Variants in PDIA5 observed in about 807,000 individuals in gnomAD.
PDIA5 encodes protein disulfide-isomerase A5.
PDIA5 carries 58 observed loss-of-function variants against 77.6 expected under a neutral mutation model. The ratio of observed to expected loss-of-function variants is 0.75; its 90% CI spans 0.61 to 0.93. The LOEUF is 0.93. Among genes scored for constraint, PDIA5 ranks in the 40% least tolerant of loss-of-function variants. The probability of loss-of-function intolerance (pLI) is 0.00; values close to 1 mark genes in which losing one functional copy is unlikely to be tolerated. For synonymous variants in PDIA5, 250 were observed against 252.1 expected, an observed-to-expected ratio of 0.99 and a Z score of 0.08; for missense variants, 630 against 647.7, an observed-to-expected ratio of 0.97 and a Z score of 0.30.
intron 15 of PDIA5, among the ~76,000 whole-genome samples, chr3:123,160,145 C>T (rs1560569743): frequency 2.6e-5 from 4 of 152,270 alleles, no homozygotes; most frequent in Admixed American, 6.5e-5. Context: ...GCTTGGCACA[C>T]GGCAGGGTTT....
intron 1 of PDIA5, among the ~76,000 whole-genome samples, chr3:123,079,592 GGTT>G (rs1342228124): frequency 5.9e-5 from 9 of 152,148 alleles, no homozygotes; most frequent in Non-Finnish European, 1.2e-4. Flanking sequence ...TGGACATTTA[GGTT>G]GTTTATAGGT....
chr3:123,141,194 C>A (rs1414749244), intron 11 of PDIA5, among the ~76,000 whole-genome samples: 1 of 152,214 alleles, frequency 6.6e-6, no homozygotes, highest in Non-Finnish European at 1.5e-5. Context: ...TGTCTTCCCT[C>A]CCCTGATTCC....
intron 11 of PDIA5, among the ~76,000 whole-genome samples, chr3:123,142,241 G>A (rs3804759): frequency 0.35 from 53,614 of 152,102 alleles, 9,984 homozygotes; most frequent in African/African-American, 0.48. Context: ...TTGGGAGCAG[G>A]CTCAGGGAAA....
intron 1 of PDIA5, among the ~76,000 whole-genome samples, chr3:123,079,950 G>A (rs1933953648): frequency 6.6e-6 from 1 of 152,034 alleles, no homozygotes; most frequent in African/African-American, 2.4e-5. Flanking sequence ...ATAAATTATG[G>A]TATAAAATAG....
At chr3:123,126,563 C>T (rs1025551053) in intron 10 of PDIA5, among the ~76,000 whole-genome samples, 3 of 152,220 alleles carry the variant, frequency 2.0e-5, no homozygotes, top group African/African-American at 7.2e-5. Context: ...TATTATTTCC[C>T]CTACATAGAT....
At chr3:123,109,172 A>G (rs1271100637) in intron 6 of PDIA5, among the ~76,000 whole-genome samples, 1 of 152,182 alleles carries the variant, frequency 6.6e-6, no homozygotes, top group Admixed American at 6.5e-5. Context: ...TTTCTCTCCT[A>G]TGGAAATAAG....
At chr3:123,106,727 T>C (rs755995322) in intron 5 of PDIA5, 22 bp from the exon 6 acceptor site, 1 of 1,560,190 alleles carries the variant, frequency 6.4e-7, no homozygotes, top group Admixed American at 1.7e-5. Context: ...ATGCATTTTC[T>C]CTTCTCTTTT....
In PDIA5 at chr3:123,073,393, G is replaced by T. The variant is rs141515510; in HGVS notation, c.42+6187G>T. ...GAATGTGTAAGCAGCTGCGTTGGCA[G>T]CCATTTTCCAGGAGTGTCCCTGAAA... On this transcript the variant is annotated intron_variant, in intron 1 of 16. Coordinates refer to ENST00000316218, the MANE Select transcript of PDIA5 (RefSeq NM_006810.4). 1.4e-3 allele frequency among the ~76,000 whole-genome samples: 211 copies of T among 152,294 alleles called. 1 individual carries two copies. Among genetic ancestry groups the T allele is most frequent in the African/African-American group, 4.8e-3 (198 of 41,566 alleles).
intron 6 of PDIA5, among the ~76,000 whole-genome samples, chr3:123,107,736 T>C (rs1576446069): frequency 1.3e-5 from 2 of 152,204 alleles, no homozygotes; most frequent in East Asian, 3.8e-4. Flanking sequence ...CATTCCTATC[T>C]CAATAAAATA....
At chr3:123,070,640 C>G (rs1026880695) in intron 1 of PDIA5, among the ~76,000 whole-genome samples, 2 of 152,094 alleles carry the variant, frequency 1.3e-5, no homozygotes, top group African/African-American at 4.8e-5. Flanking sequence ...CAGGAGGTAG[C>G]CCTAGGGCAC....
At chr3:123,144,067 G>A (rs1430571173) in intron 11 of PDIA5, among the ~76,000 whole-genome samples, 4 of 152,138 alleles carry the variant, frequency 2.6e-5, no homozygotes, top group Non-Finnish European at 5.9e-5. Context: ...GATTAAGAAC[G>A]AGACAGGTTC....
chr3:123,144,698 C>T (rs1376413497), intron 11 of PDIA5: 1 of 152,132 alleles, frequency 6.6e-6, no homozygotes, highest in African/African-American at 2.4e-5. Context: ...TCCTGGCTAA[C>T]ACAGTGAAAC....
chr3:123,069,268 T>C (rs1576428437), intron 1 of PDIA5, among the ~76,000 whole-genome samples: 1 of 152,318 alleles, frequency 6.6e-6, no homozygotes, highest in East Asian at 1.9e-4. Context: ...AGGGCTGATA[T>C]GTGCACAGGA....
chr3:123,150,179 C>T, intron 13 of PDIA5, 55 bp from the exon 14 acceptor site: 1 of 1,426,150 alleles, frequency 7.0e-7, no homozygotes, highest in Non-Finnish European at 9.7e-7. Context: ...GATTTCCTTG[C>T]CCATCTAAAA....
chr3:123,139,736 C>T (rs1935581071), intron 11 of PDIA5, among the ~76,000 whole-genome samples: 1 of 152,062 alleles, frequency 6.6e-6, no homozygotes, highest in Non-Finnish European at 1.5e-5. Flanking sequence ...TGACCCTTGC[C>T]CATAAAGAAT....
At chr3:123,133,256 C>T (rs141995046) in intron 11 of PDIA5, among the ~76,000 whole-genome samples, 1 of 152,148 alleles carries the variant, frequency 6.6e-6, no homozygotes, top group Non-Finnish European at 1.5e-5. Context: ...TGTCAAGAGG[C>T]CAGAGACCAG....
At chr3:123,078,116 A>G (rs937228181) in intron 1 of PDIA5, among the ~76,000 whole-genome samples, 2 of 152,194 alleles carry the variant, frequency 1.3e-5, no homozygotes, top group Non-Finnish European at 2.9e-5. Context: ...CCTAAAATTA[A>G]TGTTCTTTCT....
intron 14 of PDIA5, among the ~76,000 whole-genome samples, chr3:123,154,112 G>A (rs1935969313): frequency 6.6e-6 from 1 of 152,218 alleles, no homozygotes; most frequent in African/African-American, 2.4e-5. Context: ...ACCAGGACAG[G>A]AGGAGAAAGT....
At chr3:123,141,387 C>T (rs543802659) in intron 11 of PDIA5, among the ~76,000 whole-genome samples, 1 of 152,334 alleles carries the variant, frequency 6.6e-6, no homozygotes, top group East Asian at 1.9e-4. Flanking sequence ...CCAGTGTGTC[C>T]TCCACTATGT....
Sources: allele counts gnomAD v4.1 joint callset (sites outside exome capture counted in the v4.1 genomes callset), GRCh38; gene constraint gnomAD v4.1.1; transcripts MANE v1.5; gene names NCBI Gene and HGNC (gene_info 2026-07-23, HGNC 2026-07-21).